ABCA3: variants seen among roughly 807,000 people sequenced by gnomAD.
ABCA3 encodes phospholipid-transporting ATPase ABCA3.
A neutral mutation model predicts 172.8 loss-of-function variants in ABCA3; 88 were observed. The observed-to-expected ratio is 0.51, with a 90% CI of 0.43 to 0.61. The LOEUF (loss-of-function observed/expected upper bound fraction) is 0.61. Among genes scored for constraint, ABCA3 ranks in the 20% least tolerant of loss-of-function variants. The pLI is 0.00. For missense variants in ABCA3, 2,164 were observed against 2,301.0 expected (o/e 0.94, Z 1.22); for synonymous variants, 1,066 against 983.8 (o/e 1.08, Z -1.56).
At chr16:2,317,235 G>GCCCTTGGC (rs2093717371) in intron 10 of ABCA3, 48 bp downstream of exon 10, 9 of 1,611,562 alleles carry the variant, frequency 5.6e-6, no homozygotes, top group Non-Finnish European at 7.6e-6. Context: ...CATGCAGATG[G>GCCCTTGGC]CCCTTGGCCC....
intron 18 of ABCA3, among the ~76,000 whole-genome samples, chr16:2,293,392 G>A (rs567200472): frequency 3.6e-4 from 47 of 129,456 alleles, no homozygotes; most frequent in Admixed American, 1.3e-3. Flanking sequence ...TTTTTTTGGA[G>A]ACAGGGTCTT....
At position 2,316,490 on chromosome 16, in the gene ABCA3, C is replaced by CAAAAAAAAAAAAAAAAAAAAAAAAAAA. The variant is rs71148128; in HGVS notation, c.1111+766_1111+792dup. Among the ~76,000 whole-genome samples, 8 of 28,866 alleles carry CAAAAAAAAAAAAAAAAAAAAAAAAAAA rather than the reference C, an allele frequency of 2.8e-4. 3 individuals are homozygous for CAAAAAAAAAAAAAAAAAAAAAAAAAAA. The highest frequency in any genetic ancestry group is 4.5e-4 in the African/African-American group (3 of 6,666). 18.9% of individuals were successfully genotyped at this position (28,866 alleles called of 152,430 possible). ...CAAAACCCCGTCTCTACTAAAAATG[C>CAAAAAAAAAAAAAAAAAAAAAAAAAAA]AAAAAAAAAAAAAAAAAAAAAAAAA... On this transcript the variant is annotated intron_variant, in intron 10 of 32. Transcript: ENST00000301732.
chr16:2,340,363 G>A (rs2093758849), intron 1 of ABCA3, among the ~76,000 whole-genome samples: 1 of 151,798 alleles, frequency 6.6e-6, no homozygotes, highest in African/African-American at 2.4e-5. Context: ...GCACCTGCAG[G>A]GAGCGCCCGG....
chr16:2,306,223 G>A (rs1357292615), intron 11 of ABCA3, among the ~76,000 whole-genome samples: 1 of 152,100 alleles, frequency 6.6e-6, no homozygotes, highest in African/African-American at 2.4e-5. Flanking sequence ...TACTCAGGAG[G>A]CTGAGGTGGG....
rs548977043 is a variant in ABCA3, at chr16:2,334,985, C to T, written c.-538-5131G>A. Among the ~76,000 whole-genome samples the T allele has an allele frequency of 4.0e-5, 6 of 151,814 alleles. No individual in the cohort carries two copies. In the South Asian group the frequency reaches 8.3e-4, roughly 21 times the overall value. On this transcript the variant is annotated intron_variant, in intron 1 of 32. Coordinates refer to ENST00000301732, the MANE Select transcript of ABCA3 (RefSeq NM_001089.3). ...CTGGGATTACAGGCACTCGCCACCA[C>T]GCCCAGCTAATTTTTGTATTTTCAG...
rs1766679806 is a variant in ABCA3, at chr16:2,295,669, G to C, written c.2335C>G (p.His779Asp). The C allele has an allele frequency of 1.9e-6, 3 of 1,613,964 alleles. No individual in the cohort carries two copies. Among genetic ancestry groups the C allele is most frequent in the Admixed American group, 3.3e-5 (2 of 60,016 alleles). ...NPEDISQLVH[H>D]HVPNATLESS... ...TCCAGCGTGGCGTTGGGCACGTGGT[G>C]GTGGACCAGCTGGGAGATGTCTTCC... Residue 779 changes from histidine to aspartate, a missense_variant, in exon 18 of 33, where the codon CAC becomes GAC. Physicochemically the swap from His to Asp is moderately conservative, Grantham distance 81. This residue lies in a region of ABCA3 where 1,343 missense variants were observed against 1,369.6 expected (regional missense o/e 0.98). Coordinates refer to ENST00000301732, the MANE Select transcript of ABCA3 (RefSeq NM_001089.3).
intron 7 of ABCA3, among the ~76,000 whole-genome samples, chr16:2,322,512 A>G (rs1394442941): frequency 6.9e-6 from 1 of 145,886 alleles, no homozygotes; most frequent in African/African-American, 2.5e-5. Flanking sequence ...TATATCTCCT[A>G]ATGCTATCCC....
At chr16:2,295,953 G>GA (rs2141705678) in intron 17 of ABCA3, among the ~76,000 whole-genome samples, 1 of 152,344 alleles carries the variant, frequency 6.6e-6, no homozygotes, top group Non-Finnish European at 1.5e-5. Context: ...AGCTGCTGGG[G>GA]ATCTAGGGTG....
Position 2,326,004 on chromosome 16 carries a change from T to A in ABCA3, c.319+6A>T. On this transcript the variant is annotated splice_donor_region_variant and intron_variant, in intron 5 of 32. Coordinates refer to ENST00000301732, the MANE Select transcript of ABCA3 (RefSeq NM_001089.3). ...GCCTGGCACCGAGAGCCCCGGCATGTCTCACCTCGCATGTTGATCACAAGT... is the reference window on the plus strand; with the variant it reads ...GCCTGGCACCGAGAGCCCCGGCATGACTCACCTCGCATGTTGATCACAAGT... 6.2e-7 allele frequency: 1 copy of A among 1,613,492 alleles called. No individual in the cohort carries two copies.
Position 2,279,508 on chromosome 16 carries a change from TAAG to T in ABCA3, c.4360-381_4360-379del, listed in dbSNP as rs2093651899. Among the ~76,000 whole-genome samples the T allele has an allele frequency of 6.6e-6, 1 of 152,196 alleles. No homozygotes were observed. The highest frequency in any genetic ancestry group is 1.5e-5 in the Non-Finnish European group (1 of 68,026). ...GTGCTAGGACTCTTTCTTCTCCCTC[TAAG>T]AAGAAAGATTTGTGGGCACCACGTT... On this transcript the variant is annotated intron_variant, in intron 28 of 32. Coordinates refer to ENST00000301732, the MANE Select transcript of ABCA3 (RefSeq NM_001089.3). This position sits in a 1 kb window ranked among gnomAD's most constrained non-coding sequence, Gnocchi z 4.4.
chr16:2,313,396 A>G (rs1195162405), intron 10 of ABCA3, among the ~76,000 whole-genome samples: 1 of 151,416 alleles, frequency 6.6e-6, no homozygotes, highest in Admixed American at 6.6e-5. Flanking sequence ...TTCTACTAAA[A>G]ATACAAAATT....
In ABCA3 at chr16:2,285,468, A is replaced by T. The variant is rs2093661555; in HGVS notation, c.3457T>A (p.Phe1153Ile). 6.2e-7 allele frequency: 1 copy of T among 1,611,480 alleles called. No homozygotes were observed. The highest frequency in any genetic ancestry group is 8.5e-7 in the Non-Finnish European group (1 of 1,178,954). Reference protein sequence around the residue: ...LSALLWDLISFLIPSLLLLVV... With the variant: ...LSALLWDLISILIPSLLLLVV... ...AGCAGCAGCAGACTGGGGATGAGGA[A>T]GGAGATGAGGTCCCACAGCAGAGCA... Residue 1153 changes from phenylalanine (F) to isoleucine (I), a missense_variant, in exon 23 of 33, where the codon TTC becomes ATC. Physicochemically the swap from Phe to Ile is conservative, Grantham distance 21. This residue lies in a region of ABCA3 where 795 missense variants were observed against 881.9 expected (regional missense o/e 0.90). Transcript: ENST00000301732. This position sits in a 1 kb window ranked among gnomAD's most constrained non-coding sequence, Gnocchi z 4.7.
chr16:2,328,972 G>A (rs2093738908), intron 2 of ABCA3, among the ~76,000 whole-genome samples: 1 of 149,688 alleles, frequency 6.7e-6, no homozygotes, highest in Non-Finnish European at 1.5e-5. Context: ...TTATATCAAG[G>A]CTCTTTTTAA....
intron 10 of ABCA3, among the ~76,000 whole-genome samples, chr16:2,309,102 C>T (rs975908653): frequency 2.6e-5 from 4 of 152,158 alleles, no homozygotes; most frequent in Admixed American, 6.6e-5. Context: ...CCCGCCACCA[C>T]GCCCGGCTAA....
Position 2,308,512 on chromosome 16 carries a change from C to A in ABCA3, c.1223G>T (p.Cys408Phe). The change falls in exon 11 of 33, where the codon TGC becomes TTC. Residue 408 changes from cysteine (C) to phenylalanine (F), a missense_variant. Around this residue, in one of 3 missense-constraint regions of ABCA3, gnomAD observed 1,343 missense variants for 1,369.6 expected, o/e 0.98. Transcript: ENST00000301732. ...WMTLSQKLCSCLLSNVAMAMG... is the reference protein window; with the variant it reads ...WMTLSQKLCSFLLSNVAMAMG... The stretch of plus-strand genomic sequence containing the variant: ...TGCCATGGCGACATTAGACAGGAGG[C>A]AGGAGCAGAGCTTCTGGCTCAGAGT... 1.2e-6 allele frequency: 2 copies of A among 1,614,226 alleles called. No individual in the cohort carries two copies. Among genetic ancestry groups the A allele is most frequent in the Admixed American group, 1.7e-5 (1 of 60,020 alleles).
In ABCA3 at chr16:2,277,341, G is replaced by A. The variant is rs564547927; in HGVS notation, c.4983+256C>T. 3.9e-5 allele frequency among the ~76,000 whole-genome samples: 6 copies of A among 152,172 alleles called. No homozygotes were observed. Among genetic ancestry groups the A allele is most frequent in the Admixed American group, 1.3e-4 (2 of 15,276 alleles). On this transcript the variant is annotated intron_variant, in intron 32 of 32. Coordinates refer to ENST00000301732, the MANE Select transcript of ABCA3 (RefSeq NM_001089.3). This position sits in a 1 kb window ranked among gnomAD's most constrained non-coding sequence, Gnocchi z 5.3. The stretch of plus-strand genomic sequence containing the variant: ...CAGGCTTAAGCAATCCTCCCTCCTC[G>A]GCCTCCCAAAGTGCTGGGATTATGG...
At position 2,285,115 on chromosome 16, in the gene ABCA3, T is replaced by C. The variant is rs1028060445; in HGVS notation, c.3484-117A>G. ...AGACCCCTCCCGGTCAGCTGGCCCA[T>C]GTCCATCAGCCCCACAGGCCACGTC... On this transcript the variant is annotated intron_variant, in intron 23 of 32. Transcript: ENST00000301732. The surrounding 1 kb of genome is among the most constrained non-coding windows in gnomAD (Gnocchi z 4.7). The C allele has an allele frequency of 4.2e-6, 5 of 1,188,170 alleles. No homozygotes were observed. In the African/African-American group the frequency reaches 4.5e-5, roughly 11 times the overall value. 73.6% of individuals were successfully genotyped at this position (1,188,170 alleles called of 1,614,324 possible). A position where few individuals can be genotyped will look rare whatever the true frequency, so the allele number is the denominator to read the frequency against.
intron 13 of ABCA3, 133 bp downstream of exon 13, chr16:2,299,872 C>T: frequency 1.5e-6 from 2 of 1,335,378 alleles, no homozygotes; most frequent in Non-Finnish European, 1.0e-6. Context: ...AGGGTTCCTG[C>T]CCTCCTTCAG....
At chr16:2,305,576 T>C (rs1238776419) in intron 11 of ABCA3, among the ~76,000 whole-genome samples, 1 of 152,130 alleles carries the variant, frequency 6.6e-6, no homozygotes, top group Non-Finnish European at 1.5e-5. Flanking sequence ...ATTACAGGCG[T>C]GAGCCACCGC....
Sources: gnomAD v4.1 joint callset for allele counts (sites outside exome capture counted in the v4.1 genomes callset) on GRCh38, gnomAD v4.1.1 for gene constraint, gnomAD v4.1.1 regional missense constraint, Gnocchi (gnomAD v3.1) non-coding constraint, MANE v1.5 for transcripts, NCBI Gene and HGNC (gene_info 2026-07-23, HGNC 2026-07-21) for gene names.